PRKAR2B: variants seen among roughly 807,000 people sequenced by gnomAD.
PRKAR2B encodes the protein protein kinase cAMP-dependent type II regulatory subunit beta.
A neutral mutation model predicts 49.9 loss-of-function variants in PRKAR2B; 14 were observed. That is an observed-to-expected ratio of 0.28 (90% CI 0.19 to 0.44). PRKAR2B has a LOEUF of 0.44. Among genes scored for constraint, PRKAR2B ranks in the 20% least tolerant of loss-of-function variants. The probability of loss-of-function intolerance (pLI) is 1.00; values close to 1 mark genes in which losing one functional copy is unlikely to be tolerated. For synonymous variants in PRKAR2B, 196 were observed against 197.7 expected (o/e 0.99, Z 0.07); for missense variants, 393 against 537.9 (o/e 0.73, Z 2.67).
intron 2 of PRKAR2B, among the ~76,000 whole-genome samples, chr7:107,106,339 C>A (rs1017849370): frequency 5.9e-5 from 9 of 152,150 alleles, no homozygotes; most frequent in African/African-American, 2.2e-4. Context: ...ATGGCTCGGC[C>A]TTGGTTATGA....
intron 1 of PRKAR2B, among the ~76,000 whole-genome samples, chr7:107,066,298 T>TGGG (rs199947326): frequency 7.2e-5 from 8 of 111,306 alleles, no homozygotes; most frequent in African/African-American, 1.1e-4. Flanking sequence ...TCTCTCTATG[T>TGGG]GGGGTGTGTG....
intron 3 of PRKAR2B, among the ~76,000 whole-genome samples, chr7:107,123,914 C>G (rs138251988): frequency 6.6e-6 from 1 of 152,308 alleles, no homozygotes; most frequent in Non-Finnish European, 1.5e-5. Flanking sequence ...TTACTAAAAA[C>G]TATACTTACT....
chr7:107,131,131 T>C (rs554865428), intron 4 of PRKAR2B, among the ~76,000 whole-genome samples: 48 of 152,340 alleles, frequency 3.2e-4, no homozygotes, highest in African/African-American at 1.2e-3. Flanking sequence ...GTTCAGTATT[T>C]GGTTACTGTT....
intron 4 of PRKAR2B, among the ~76,000 whole-genome samples, chr7:107,140,643 A>T (rs1795775301): frequency 6.6e-6 from 1 of 152,206 alleles, no homozygotes; most frequent in Non-Finnish European, 1.5e-5. Context: ...AATTACTTTC[A>T]TTCAAATACT....
intron 2 of PRKAR2B, among the ~76,000 whole-genome samples, chr7:107,099,615 A>G (rs915719310): frequency 1.3e-5 from 2 of 149,906 alleles, no homozygotes; most frequent in Non-Finnish European, 3.0e-5. Flanking sequence ...AGCTGTTCCT[A>G]TTCGGCCATC....
In PRKAR2B at chr7:107,155,901, A is replaced by G. The variant is rs538283473; in HGVS notation, c.919-1083A>G. Among the ~76,000 whole-genome samples the G allele has an allele frequency of 6.6e-5, 10 of 152,344 alleles. 1 individual carries two copies. The South Asian group carries it at 2.1e-3, about 32-fold the overall frequency. On this transcript the variant is annotated intron_variant, in intron 8 of 10. Transcript: ENST00000265717. The stretch of plus-strand genomic sequence containing the variant: ...ACTGGATAAAGAAAACGTGGTACAT[A>G]TATACCATGGAGTACTATGCAGCCA...
At chr7:107,103,256 T>C (rs1039514540) in intron 2 of PRKAR2B, among the ~76,000 whole-genome samples, 2 of 152,234 alleles carry the variant, frequency 1.3e-5, no homozygotes, top group Non-Finnish European at 2.9e-5. Flanking sequence ...AACAATGTTA[T>C]AGTAAAACTG....
At chr7:107,092,016 G>A (rs765720089) in intron 2 of PRKAR2B, 1 of 152,144 alleles carries the variant, frequency 6.6e-6, no homozygotes, top group African/African-American at 2.4e-5. Context: ...TTATAGGTGG[G>A]AATGGGTAGT....
chr7:107,142,363 A>G (rs535045960), intron 5 of PRKAR2B, among the ~76,000 whole-genome samples: 11 of 152,302 alleles, frequency 7.2e-5, no homozygotes, highest in Non-Finnish European at 1.3e-4. Context: ...CCAGTTATCT[A>G]TATGTGAATC....
intron 2 of PRKAR2B, among the ~76,000 whole-genome samples, chr7:107,120,200 G>T (rs527831791): frequency 7.2e-5 from 11 of 152,254 alleles, no homozygotes; most frequent in Admixed American, 5.2e-4. Context: ...AATTCTTTCT[G>T]TTCAGGGCGG....
chr7:107,143,903 T>C (rs973172058), intron 5 of PRKAR2B, among the ~76,000 whole-genome samples: 5 of 152,308 alleles, frequency 3.3e-5, no homozygotes, highest in African/African-American at 1.2e-4. Context: ...TCTGAAAATA[T>C]CTAAAATCTA....
At chr7:107,091,516 C>A (rs1309477366) in intron 2 of PRKAR2B, among the ~76,000 whole-genome samples, 1 of 152,090 alleles carries the variant, frequency 6.6e-6, no homozygotes, top group Non-Finnish European at 1.5e-5. Context: ...TGAGTCTGTG[C>A]CCTGCAGTAG....
Position 107,128,289 on chromosome 7 carries a change from G to T in PRKAR2B, c.474G>T (p.Leu158=). The T allele has an allele frequency of 1.9e-6, 3 of 1,605,118 alleles. No homozygotes were observed. The highest frequency in any genetic ancestry group is 2.6e-6 in the Non-Finnish European group (3 of 1,171,942). The part of the protein sequence containing the change: ...ACKDILLFKN[L]DPEQMSQVLD... ...AAGACATCCTGCTGTTTAAGAATCT[G>T]GATCCGGTAAGATAAATCTTAATAA... The change falls in exon 4 of 11, where the codon CTG becomes CTT. Residue 158 remains leucine (L), a synonymous_variant. Coordinates refer to ENST00000265717, the MANE Select transcript of PRKAR2B (RefSeq NM_002736.3).
chr7:107,062,074 T>C (rs118071927), intron 1 of PRKAR2B, among the ~76,000 whole-genome samples: 1,654 of 152,198 alleles, frequency 0.011, 28 homozygotes, highest in Admixed American at 0.04. Context: ...TCCTATATGG[T>C]CCTGGAGGGC....
At chr7:107,085,791 T>C (rs1275267659) in intron 2 of PRKAR2B, among the ~76,000 whole-genome samples, 2 of 152,208 alleles carry the variant, frequency 1.3e-5, no homozygotes, top group Non-Finnish European at 2.9e-5. Flanking sequence ...TTCTTAATAC[T>C]TCTTAATGGT....
intron 2 of PRKAR2B, chr7:107,077,132 A>G (rs1451627048): frequency 2.6e-5 from 4 of 152,250 alleles, no homozygotes; most frequent in Non-Finnish European, 2.9e-5. Flanking sequence ...AATTATAGTT[A>G]CATTCATATT....
Position 107,111,968 on chromosome 7 carries a change from ACCAG to A in PRKAR2B, c.344-9981_344-9978del, listed in dbSNP as rs1439148222. On this transcript the variant is annotated intron_variant, in intron 2 of 10. Transcript: ENST00000265717. ...GATTGCTTGAGCCGAGGAATTCATGACCAGCCTAAGCAATATAGCAAGAGCCTCC... is the reference window on the plus strand; with the variant it reads ...GATTGCTTGAGCCGAGGAATTCATGACCTAAGCAATATAGCAAGAGCCTCC... 5.8e-5 allele frequency among the ~76,000 whole-genome samples: 8 copies of A among 137,914 alleles called. No homozygotes were observed. In the Admixed American group the frequency reaches 6.6e-4, roughly 11 times the overall value. 90.5% of individuals were successfully genotyped at this position (137,914 alleles called of 152,430 possible).
Position 107,159,507 on chromosome 7 carries a change from G to A in PRKAR2B, c.1182G>A (p.Arg394=). The A allele has an allele frequency of 6.2e-7, 1 of 1,614,076 alleles. No individual in the cohort carries two copies. Among genetic ancestry groups the A allele is most frequent in the Non-Finnish European group, 8.5e-7 (1 of 1,179,964 alleles). The change falls in exon 11 of 11, where the codon AGG becomes AGA. Residue 394 remains arginine, a synonymous_variant. Transcript: ENST00000265717. ...GACCTTGCATGGAAATTATGAAAAGGAACATCGCTACCTATGAAGAACAGT... is the reference window on the plus strand; with the variant it reads ...GACCTTGCATGGAAATTATGAAAAGAAACATCGCTACCTATGAAGAACAGT... ...LLGPCMEIMK[R]NIATYEEQLV...
At chr7:107,158,489 G>A (rs1012878913) in intron 10 of PRKAR2B, among the ~76,000 whole-genome samples, 1 of 152,106 alleles carries the variant, frequency 6.6e-6, no homozygotes, top group Non-Finnish European at 1.5e-5. Flanking sequence ...GCTTAGGAAT[G>A]TTCTTATTTT....
Sources: gnomAD v4.1 joint callset for allele counts (sites outside exome capture counted in the v4.1 genomes callset) on GRCh38, gnomAD v4.1.1 for gene constraint, MANE v1.5 for transcripts, NCBI Gene and HGNC (gene_info 2026-07-23, HGNC 2026-07-21) for gene names.